The following CLEC16A variants were observed in gnomAD, a reference collection of about 807,000 sequenced individuals.
CLEC16A encodes protein CLEC16A.
CLEC16A carries 51 observed loss-of-function variants against 109.5 expected under a neutral mutation model. The ratio of observed to expected loss-of-function variants is 0.47; its 90% CI spans 0.37 to 0.59. The LOEUF is 0.59. Among genes scored for constraint, CLEC16A ranks in the 20% least tolerant of loss-of-function variants. The pLI, the probability that CLEC16A is intolerant of heterozygous loss-of-function variation, is 0.00. For synonymous variants in CLEC16A, 673 were observed against 564.2 expected, an observed-to-expected ratio of 1.19 and a Z score of -2.73; for missense variants, 1,339 against 1,394.0, an observed-to-expected ratio of 0.96 and a Z score of 0.63.
At chr16:11,042,472 T>A (rs1220897403) in intron 15 of CLEC16A, 109 bp downstream of exon 15, 3 of 785,574 alleles carry the variant, frequency 3.8e-6, no homozygotes, top group Non-Finnish European at 6.1e-6. Flanking sequence ...GTGTCATCGG[T>A]CACCAGCTAG....
intron 19 of CLEC16A, among the ~76,000 whole-genome samples, chr16:11,088,627 C>A (rs80217729): frequency 0.013 from 1,923 of 152,290 alleles, 19 homozygotes; most frequent in Middle Eastern, 0.031. Flanking sequence ...CAGCCACGCG[C>A]GGAGAGCTTC....
chr16:11,178,656 C>T lies in CLEC16A; in HGVS notation c.3128C>T (p.Ala1043Val), dbSNP rs1253616831. The T allele has an allele frequency of 3.2e-6, 5 of 1,555,514 alleles. No homozygotes were observed. The highest frequency in any genetic ancestry group is 4.3e-6 in the Non-Finnish European group (5 of 1,156,210). Reference protein sequence around the residue: ...ACTEPVGEEAACAEPVGTAED With the variant: ...ACTEPVGEEAVCAEPVGTAED ...ACAGAGCCCGTGGGCGAAGAGGCTGCATGTGCTGAGCCTGTGGGCACCGCT... is the reference window on the plus strand; with the variant it reads ...ACAGAGCCCGTGGGCGAAGAGGCTGTATGTGCTGAGCCTGTGGGCACCGCT... The change falls in exon 24 of 24, where the codon GCA becomes GTA. Residue 1043 changes from alanine to valine, a missense_variant. Ala to Val is a moderately conservative substitution (Grantham distance 64, BLOSUM62 0). This residue lies in a region of CLEC16A where 1,061 missense variants were observed against 1,006.8 expected (regional missense o/e 1.05). Coordinates refer to ENST00000409790, the MANE Select transcript of CLEC16A (RefSeq NM_015226.3). The surrounding 1 kb of genome is among the most constrained non-coding windows in gnomAD (Gnocchi z 6.5).
At chr16:11,159,463 G>A (rs1325160007) in intron 22 of CLEC16A, among the ~76,000 whole-genome samples, 1 of 152,262 alleles carries the variant, frequency 6.6e-6, no homozygotes, top group African/African-American at 2.4e-5. Flanking sequence ...CTAGAAAGGG[G>A]AGGGGAAGGC....
chr16:11,113,358 C>A (rs554780321), intron 19 of CLEC16A, among the ~76,000 whole-genome samples: 1 of 152,182 alleles, frequency 6.6e-6, no homozygotes, highest in Non-Finnish European at 1.5e-5. Context: ...TACCTATTTT[C>A]CCTTTAGAAA....
chr16:10,963,994 A>C (rs2042380064), intron 3 of CLEC16A, among the ~76,000 whole-genome samples: 1 of 152,192 alleles, frequency 6.6e-6, no homozygotes, highest in South Asian at 2.1e-4. Context: ...TGTTATTCCA[A>C]GGTGACTTCA....
In CLEC16A at chr16:11,128,594, G is replaced by T. The variant is rs76971512; in HGVS notation, c.2641+2448G>T. ...CATTCTTATTTATCACACCACCCCC[G>T]CAAAGAGGGAGGCCTCGCTGCCCTC... On this transcript the variant is annotated intron_variant, in intron 22 of 23. Transcript: ENST00000409790. Among the ~76,000 whole-genome samples, 1,496 of 152,192 alleles carry T rather than the reference G, an allele frequency of 9.8e-3. 33 individuals carry two copies. Among genetic ancestry groups the T allele is most frequent in the African/African-American group, 0.034 (1,431 of 41,510 alleles).
intron 22 of CLEC16A, among the ~76,000 whole-genome samples, chr16:11,134,740 G>A (rs185772632): frequency 5.3e-5 from 8 of 152,346 alleles, no homozygotes; most frequent in African/African-American, 1.7e-4. Flanking sequence ...TGGATTTTCA[G>A]ATTTGGATTG....
chr16:11,028,056 C>T (rs1376537779), intron 13 of CLEC16A, among the ~76,000 whole-genome samples: 3 of 152,092 alleles, frequency 2.0e-5, no homozygotes, highest in East Asian at 3.9e-4. Flanking sequence ...AAAAATTAGC[C>T]GGGCATGGTG....
chr16:11,058,429 G>A (rs552025324), intron 18 of CLEC16A, among the ~76,000 whole-genome samples: 6 of 152,178 alleles, frequency 3.9e-5, no homozygotes, highest in African/African-American at 1.4e-4. Flanking sequence ...ATGATACTGA[G>A]TACAATGTAA....
chr16:10,987,822 T>C lies in CLEC16A; in HGVS notation c.1071+4831T>C, dbSNP rs528208714. Among the ~76,000 whole-genome samples the C allele has an allele frequency of 3.9e-5, 6 of 152,378 alleles. No individual in the cohort carries two copies. The East Asian group carries it at 9.6e-4, about 24-fold the overall frequency. On this transcript the variant is annotated intron_variant, in intron 10 of 23. Coordinates refer to ENST00000409790, the MANE Select transcript of CLEC16A (RefSeq NM_015226.3). The stretch of plus-strand genomic sequence containing the variant: ...TTGTTTTAAGTTTCTTGGTCTTTTT[T>C]AACCTACTTTCTCCTTCCCGTAATT...
intron 10 of CLEC16A, among the ~76,000 whole-genome samples, chr16:11,002,069 C>G (rs966842977): frequency 2.6e-5 from 4 of 152,198 alleles, no homozygotes; most frequent in Admixed American, 2.0e-4. Context: ...AGCTAAGACA[C>G]AGCTTGTGTG....
At chr16:10,973,999 A>G (rs1445868382) in intron 7 of CLEC16A, among the ~76,000 whole-genome samples, 1 of 141,542 alleles carries the variant, frequency 7.1e-6, no homozygotes, top group African/African-American at 2.7e-5. Context: ...CCTGGATTCA[A>G]GTGATTCTTC....
intron 19 of CLEC16A, among the ~76,000 whole-genome samples, chr16:11,120,348 T>C (rs2052315173): frequency 6.6e-6 from 1 of 152,238 alleles, no homozygotes; most frequent in Non-Finnish European, 1.5e-5. Flanking sequence ...GTACTTTATA[T>C]GCTTTATATC....
chr16:11,097,355 G>A (rs1296493683), intron 19 of CLEC16A, among the ~76,000 whole-genome samples: 5 of 152,084 alleles, frequency 3.3e-5, no homozygotes, highest in South Asian at 2.1e-4. Context: ...CAGCTCCCTC[G>A]CCCTTGACAG....
chr16:11,069,820 C>T (rs747403045), intron 19 of CLEC16A, among the ~76,000 whole-genome samples: 40 of 130,796 alleles, frequency 3.1e-4, no homozygotes, highest in Non-Finnish European at 5.4e-4. Flanking sequence ...TACAGCATAA[C>T]AACTATTTAC....
chr16:11,114,261 T>A (rs77550217), intron 19 of CLEC16A, among the ~76,000 whole-genome samples: 4,247 of 152,040 alleles, frequency 0.028, 206 homozygotes, highest in African/African-American at 0.097. Flanking sequence ...TACTACTGTA[T>A]CTTTGGCCTC....
intron 22 of CLEC16A, among the ~76,000 whole-genome samples, chr16:11,129,865 C>T (rs2053081970): frequency 6.6e-6 from 1 of 151,872 alleles, no homozygotes; most frequent in Non-Finnish European, 1.5e-5. Context: ...CGGGTTCACA[C>T]CATTCTCCTG....
intron 19 of CLEC16A, among the ~76,000 whole-genome samples, chr16:11,088,189 A>G (rs1300171829): frequency 6.6e-6 from 1 of 152,204 alleles, no homozygotes; most frequent in Admixed American, 6.5e-5. Flanking sequence ...GCTGAATCAG[A>G]TGAAAGAAAT....
chr16:10,972,622 T>A, intron 6 of CLEC16A, 63 bp downstream of exon 6: 1 of 1,444,214 alleles, frequency 6.9e-7, no homozygotes, highest in Non-Finnish European at 9.7e-7. Flanking sequence ...ATACCTTGCT[T>A]GAGAATGGTG....
Sources: gnomAD v4.1 joint callset for allele counts (sites outside exome capture counted in the v4.1 genomes callset) on GRCh38, gnomAD v4.1.1 for gene constraint, gnomAD v4.1.1 regional missense constraint, Gnocchi (gnomAD v3.1) non-coding constraint, MANE v1.5 for transcripts, NCBI Gene and HGNC (gene_info 2026-07-23, HGNC 2026-07-21) for gene names.